Variants in SLC12A9 observed in about 807,000 individuals in gnomAD.
SLC12A9 encodes solute carrier family 12 member 9, also known as CCC-interacting protein 1.
In SLC12A9, 55 loss-of-function variants were observed where a neutral mutation model predicts 66.0. That is an observed-to-expected ratio of 0.83 (90% CI 0.67 to 1.04). SLC12A9 has a LOEUF of 1.04. Among genes scored for constraint, SLC12A9 ranks in the 50% least tolerant of loss-of-function variants. The pLI, the probability that SLC12A9 is intolerant of heterozygous loss-of-function variation, is 0.00. For synonymous variants in SLC12A9, 577 were observed against 569.0 expected, an observed-to-expected ratio of 1.01 and a Z score of -0.20; for missense variants, 1,061 against 1,241.9, an observed-to-expected ratio of 0.85 and a Z score of 2.19.
chr7:100,830,529 A>T (rs892436433), intron 1 of SLC12A9, among the ~76,000 whole-genome samples: 1 of 151,658 alleles, frequency 6.6e-6, no homozygotes, highest in African/African-American at 2.4e-5. Flanking sequence ...AGAAAGAAAG[A>T]GAGAAAACAT....
upstream of SLC12A9, among the ~76,000 whole-genome samples, chr7:100,851,990 G>T (rs147012789): frequency 5.8e-3 from 890 of 152,260 alleles, 4 homozygotes; most frequent in Middle Eastern, 0.024. Flanking sequence ...TTAGGAGGGA[G>T]GTTCGAGTTT....
At chr7:100,855,295 A>C in intron 3 of SLC12A9, 1 of 103,408 alleles carries the variant, frequency 9.7e-6, no homozygotes. Context: ...TTTAATTTTT[A>C]AATATTTGTA....
Position 100,865,996 on chromosome 7 carries a change from C to G in SLC12A9, c.2136C>G (p.Ser712Arg). Reference protein sequence around the residue: ...ASGALPPERLSRGSGGTSQLH... With the variant: ...ASGALPPERLRRGSGGTSQLH... ...GGGCCTTGCCCCCTGAGCGGCTGAG[C>G]CGGGGGTCTGGGGGCACCTCTCAGC... The change falls in exon 14 of 14, where the codon AGC (serine) becomes AGG (arginine). Residue 712 changes from serine (S) to arginine (R), a missense_variant. Ser to Arg is a moderately radical substitution (Grantham distance 110). Transcript: ENST00000354161. 6.2e-7 allele frequency: 1 copy of G among 1,612,652 alleles called. No individual in the cohort carries two copies. Among genetic ancestry groups the G allele is most frequent in the East Asian group, 2.2e-5 (1 of 44,858 alleles).
At chr7:100,864,991 TC>T (rs1308895856) in intron 13 of SLC12A9, among the ~76,000 whole-genome samples, 1 of 152,020 alleles carries the variant, frequency 6.6e-6, no homozygotes, top group Non-Finnish European at 1.5e-5. Context: ...GGAGTCTCGC[TC>T]TGTTGCCCAG....
chr7:100,854,111 G>A (rs543049068), intron 1 of SLC12A9, 45 bp from the exon 2 acceptor site: 18 of 1,287,650 alleles, frequency 1.4e-5, no homozygotes, highest in African/African-American at 9.2e-5. Flanking sequence ...GGGGGTGGGC[G>A]AGCTCTGTGG....
At position 100,858,942 on chromosome 7, in the gene SLC12A9, GGTGA is replaced by G; in HGVS notation, c.865+2_865+5del. The G allele has an allele frequency of 6.2e-7, 1 of 1,614,074 alleles. No homozygotes were observed. On this transcript the variant is annotated splice_donor_variant and splice_donor_region_variant and intron_variant, in intron 6 of 13. Transcript: ENST00000354161. LOFTEE classifies it high-confidence loss of function. Reference sequence around the variant, plus strand: ...CATCATGGCTGGGGCCAACATGTCAGGTGAGAGTCCCTGCCTGCTGCCTCCTGGG... The same window carrying G: ...CATCATGGCTGGGGCCAACATGTCAGGAGTCCCTGCCTGCTGCCTCCTGGG...
chr7:100,852,861 C>G (rs1814148446), intron 1 of SLC12A9, 26 bp downstream of exon 1: 1 of 152,254 alleles, frequency 6.6e-6, no homozygotes, highest in Admixed American at 6.5e-5. Flanking sequence ...CCTCGCGGCC[C>G]CCGAGCTGTG....
rs1815126120 is a variant in SLC12A9 at position 100,866,820 on chromosome 7, C to T, written c.*215C>T. 4.2e-6 allele frequency: 2 copies of T among 481,808 alleles called. No homozygotes were observed. Among genetic ancestry groups the T allele is most frequent in the South Asian group, 4.1e-5 (1 of 24,434 alleles). 29.8% of individuals were successfully genotyped at this position (481,808 alleles called of 1,614,324 possible). ...ACTAACTCTGGGTGGCTGTCCCCAC[C>T]GTGCAGGGGAGGGAGTCCGCAGCCT... On this transcript the variant is annotated 3_prime_UTR_variant, in exon 14 of 14. Coordinates refer to ENST00000354161, the MANE Select transcript of SLC12A9 (RefSeq NM_020246.4). This position sits in a 1 kb window ranked among gnomAD's most constrained non-coding sequence, Gnocchi z 7.3.
At chr7:100,846,090 GAT>G (rs1444529819) in intron 1 of SLC12A9, among the ~76,000 whole-genome samples, 1 of 152,172 alleles carries the variant, frequency 6.6e-6, no homozygotes, top group African/African-American at 2.4e-5. Context: ...AAGACATAGA[GAT>G]ATGACAAAAC....
In SLC12A9 at chr7:100,859,990, G is replaced by C. The variant is rs148126705; in HGVS notation, c.1083G>C (p.Ser361=). The change falls in exon 8 of 14, where the codon TCG becomes TCC. Residue 361 remains serine (S), a synonymous_variant. Coordinates refer to ENST00000354161, the MANE Select transcript of SLC12A9 (RefSeq NM_020246.4). ...CAGCGCTCTCAGCGTCCATGAGCTC[G>C]CTCATTGGTGCCTCCCGCATCCTCC... ...YATALSASMS[S]LIGASRILHA... is the part of the protein sequence containing the mutation. 5.0e-6 allele frequency: 8 copies of C among 1,613,392 alleles called. No homozygotes were observed. The highest frequency in any genetic ancestry group is 5.9e-6 in the Non-Finnish European group (7 of 1,179,390).
upstream of SLC12A9, among the ~76,000 whole-genome samples, chr7:100,848,693 T>G (rs954035777): frequency 1.3e-5 from 2 of 151,934 alleles, no homozygotes. Context: ...GAGACCATTC[T>G]GGCTAACACG....
At position 100,859,050 on chromosome 7, in the gene SLC12A9, G is replaced by GT. The variant is rs748704481; in HGVS notation, c.866_867insT (p.Glu290GlyfsTer36). ...CACTCCCTCTGCTCCCCCTCTCCAG[G>GT]GGAGCTGAAGGACCCCAGCCGGGCG... On this transcript the variant is annotated frameshift_variant and splice_region_variant, in exon 7 of 14. Coordinates refer to ENST00000354161, the MANE Select transcript of SLC12A9 (RefSeq NM_020246.4). LOFTEE classifies it high-confidence loss of function. 62 of 1,613,300 alleles carry GT rather than the reference G, an allele frequency of 3.8e-5. No individual in the cohort carries two copies. Among genetic ancestry groups the GT allele is most frequent in the Non-Finnish European group, 5.1e-5 (60 of 1,179,996 alleles).
At chr7:100,839,996 G>A (rs948906561) in intron 1 of SLC12A9, among the ~76,000 whole-genome samples, 4 of 151,644 alleles carry the variant, frequency 2.6e-5, no homozygotes, top group Admixed American at 6.6e-5. Flanking sequence ...AAGTGGAAGC[G>A]TGGCCTGATC....
rs149960835 is a variant in SLC12A9, at chr7:100,840,743, A to G, written n.228+13696A>G. 6.2e-3 allele frequency among the ~76,000 whole-genome samples: 943 copies of G among 151,820 alleles called. 10 individuals carry two copies. The highest frequency in any genetic ancestry group is 0.021 in the African/African-American group (889 of 41,364). ...AAGTCAAAGAAAGAAAGAAAGAGAG[A>G]TATACAAGCAGTTAAGAAAAAAAAA... On this transcript the variant is annotated intron_variant and non_coding_transcript_variant, in intron 1 of 1. Coordinates refer to the SLC12A9 transcript ENST00000461016.
At chr7:100,859,299 C>A in intron 7 of SLC12A9, 138 bp downstream of exon 7, 1 of 767,930 alleles carries the variant, frequency 1.3e-6, no homozygotes, top group Non-Finnish European at 2.2e-6. Flanking sequence ...GATTGACAAC[C>A]TATAGCCAGC....
At chr7:100,840,971 C>T (rs754254096) in intron 1 of SLC12A9, among the ~76,000 whole-genome samples, 18 of 150,634 alleles carry the variant, frequency 1.2e-4, no homozygotes, top group African/African-American at 4.4e-4. Context: ...CAGTCTGTAG[C>T]GGCAACTGCT....
rs772164886 is a variant in SLC12A9, at chr7:100,855,805, T to C, written c.416T>C (p.Leu139Pro). 1.2e-6 allele frequency: 2 copies of C among 1,612,978 alleles called. No individual in the cohort carries two copies. The change falls in exon 4 of 14, where the codon CTG becomes CCG. Residue 139 changes from leucine to proline, a missense_variant. Coordinates refer to ENST00000354161, the MANE Select transcript of SLC12A9 (RefSeq NM_020246.4). ...GGCTGTGCCGTCTCCCTCCTGGGGC[T>C]GGTGGAGTCTGTGCTTGATGTCTTC... ...VCGCAVSLLG[L>P]VESVLDVFGA...
Position 100,861,291 on chromosome 7 carries a change from GAGA to G in SLC12A9, c.1343+35_1343+37del, listed in dbSNP as rs753540424. On this transcript the variant is annotated intron_variant, in intron 10 of 13. Transcript: ENST00000354161. The surrounding 1 kb of genome is among the most constrained non-coding windows in gnomAD (Gnocchi z 5.3). ...AGAGACTCAGATCTGTGTCCCCAGA[GAGA>G]AGAAGGGAGGACTCGGGCTCAGGCG... 15 of 1,613,858 alleles carry G rather than the reference GAGA, an allele frequency of 9.3e-6. No individual in the cohort carries two copies. Among genetic ancestry groups the G allele is most frequent in the Middle Eastern group, 3.3e-4 (2 of 6,062 alleles).
At position 100,860,030 on chromosome 7, in the gene SLC12A9, G is replaced by A. The variant is rs1359348435; in HGVS notation, c.1123G>A (p.Asp375Asn). 74 of 1,614,082 alleles carry A rather than the reference G, an allele frequency of 4.6e-5. No individual in the cohort carries two copies. The highest frequency in any genetic ancestry group is 6.2e-5 in the Non-Finnish European group (73 of 1,179,972). Reference sequence around the variant, plus strand: ...CCGCATCCTCCATGCCCTGGCCCGGGATGACCTCTTTGGTGGGTTCTCTGC... The same window carrying A: ...CCGCATCCTCCATGCCCTGGCCCGGAATGACCTCTTTGGTGGGTTCTCTGC... ...ASRILHALAR[D>N]DLFGVILAPA... Residue 375 changes from aspartate to asparagine, a missense_variant, in exon 8 of 14, where the codon GAT becomes AAT. Transcript: ENST00000354161.
Sources: allele counts gnomAD v4.1 joint callset (sites outside exome capture counted in the v4.1 genomes callset), GRCh38; gene constraint gnomAD v4.1.1; non-coding constraint Gnocchi (gnomAD v3.1); transcripts MANE v1.5; gene names NCBI Gene and HGNC (gene_info 2026-07-23, HGNC 2026-07-21).